The following ATP6V0A1 variants were observed in gnomAD, a reference collection of about 807,000 sequenced individuals.
ATP6V0A1 encodes the protein ATPase H+ transporting V0 subunit a1.
ATP6V0A1 carries 43 observed loss-of-function variants against 105.4 expected under a neutral mutation model. The observed-to-expected ratio is 0.41, with a 90% CI of 0.32 to 0.53. The LOEUF (loss-of-function observed/expected upper bound fraction) is 0.53. ATP6V0A1 is among the 20% of genes least tolerant of loss of function. ATP6V0A1 has a pLI of 0.30. For missense variants in ATP6V0A1, 676 were observed against 1,051.1 expected, an observed-to-expected ratio of 0.64 and a Z score of 4.93; for synonymous variants, 362 against 372.8, an observed-to-expected ratio of 0.97 and a Z score of 0.33.
intron 13 of ATP6V0A1, 88 bp from the exon 14 acceptor site, chr17:42,495,538 C>T (rs2146042918): frequency 3.0e-6 from 3 of 995,174 alleles, no homozygotes; most frequent in Non-Finnish European, 4.7e-6. Context: ...AAGATAGCTA[C>T]AGTAATTTAT....
intron 6 of ATP6V0A1, among the ~76,000 whole-genome samples, chr17:42,478,239 A>T (rs2089016546): frequency 6.6e-6 from 1 of 151,202 alleles, no homozygotes; most frequent in African/African-American, 2.4e-5. Flanking sequence ...GAGGGAGAGC[A>T]TTAGGAGATA....
At chr17:42,483,266 A>C in intron 9 of ATP6V0A1, 135 bp downstream of exon 9, 1 of 521,238 alleles carries the variant, frequency 1.9e-6, no homozygotes, top group Non-Finnish European at 3.0e-6. Flanking sequence ...GTACATGGGT[A>C]ATATGTCCTT....
intron 15 of ATP6V0A1, among the ~76,000 whole-genome samples, 169 bp downstream of exon 15, chr17:42,499,211 C>T (rs1307356861): frequency 1.3e-5 from 2 of 152,204 alleles, no homozygotes; most frequent in African/African-American, 4.8e-5. Flanking sequence ...TGGATCATGC[C>T]TGTAATCCCA....
Position 42,521,217 on chromosome 17 carries a change from C to T in ATP6V0A1, c.*97C>T, listed in dbSNP as rs1205226292. ...GCCTGTTGGTTGTGATCTGTGGGCACCAGCTCATTCGTGTCACCCTGTCTG... is the reference window on the plus strand; with the variant it reads ...GCCTGTTGGTTGTGATCTGTGGGCATCAGCTCATTCGTGTCACCCTGTCTG... On this transcript the variant is annotated 3_prime_UTR_variant, in exon 22 of 22. Coordinates refer to ENST00000343619, the MANE Select transcript of ATP6V0A1 (RefSeq NM_001130021.3). This position sits in a 1 kb window ranked among gnomAD's most constrained non-coding sequence, Gnocchi z 4.8. 9.1e-7 allele frequency: 1 copy of T among 1,101,964 alleles called. No homozygotes were observed. The highest frequency in any genetic ancestry group is 2.6e-5 in the East Asian group (1 of 37,916). 68.3% of individuals were successfully genotyped at this position (1,101,964 alleles called of 1,614,324 possible). A position where few individuals can be genotyped will look rare whatever the true frequency, so the allele number is the denominator to read the frequency against.
chr17:42,478,020 A>G (rs891186801), intron 6 of ATP6V0A1, among the ~76,000 whole-genome samples: 1 of 152,164 alleles, frequency 6.6e-6, no homozygotes, highest in Non-Finnish European at 1.5e-5. Context: ...ACAATGGAAT[A>G]CTATGTAGCC....
At chr17:42,513,208 C>T (rs938066154) in intron 19 of ATP6V0A1, among the ~76,000 whole-genome samples, 5 of 152,154 alleles carry the variant, frequency 3.3e-5, no homozygotes, top group African/African-American at 1.2e-4. Context: ...TTGGCCTTAA[C>T]CCATGTGGAA....
intron 5 of ATP6V0A1, among the ~76,000 whole-genome samples, chr17:42,473,981 A>G (rs1486361476): frequency 3.3e-5 from 5 of 151,420 alleles, no homozygotes; most frequent in Non-Finnish European, 7.4e-5. Flanking sequence ...TGCCCTTTTC[A>G]TGCTGGGGTT....
At chr17:42,495,268 A>G in intron 13 of ATP6V0A1, 80 bp downstream of exon 13, 5 of 1,461,722 alleles carry the variant, frequency 3.4e-6, no homozygotes, top group Admixed American at 1.8e-5. Context: ...TGGTAAACTG[A>G]CACTTCTTTA....
At chr17:42,490,215 A>AT (rs1955826585) in intron 10 of ATP6V0A1, among the ~76,000 whole-genome samples, 1 of 152,232 alleles carries the variant, frequency 6.6e-6, no homozygotes, top group East Asian at 1.9e-4. Flanking sequence ...TTAAAGTTAA[A>AT]TTTTTTTCAC....
intron 2 of ATP6V0A1, among the ~76,000 whole-genome samples, chr17:42,462,455 T>C (rs2086536718): frequency 6.6e-6 from 1 of 151,958 alleles, no homozygotes; most frequent in African/African-American, 2.4e-5. Flanking sequence ...GAGTCCACTC[T>C]GTCGCCCAGG....
At chr17:42,475,415 C>T (rs2088598130) in intron 5 of ATP6V0A1, among the ~76,000 whole-genome samples, 1 of 152,202 alleles carries the variant, frequency 6.6e-6, no homozygotes, top group Non-Finnish European at 1.5e-5. Context: ...AACCCAGATA[C>T]CCTTAAGACA....
intron 2 of ATP6V0A1, among the ~76,000 whole-genome samples, chr17:42,461,931 G>C (rs1227992815): frequency 6.6e-6 from 1 of 151,760 alleles, no homozygotes; most frequent in African/African-American, 2.4e-5. Context: ...TAGGGGCCAG[G>C]TGCAATGGCT....
intron 5 of ATP6V0A1, chr17:42,470,500 A>G (rs2087745516): frequency 3.3e-6 from 1 of 300,696 alleles, no homozygotes. Flanking sequence ...AAATTTTTAC[A>G]TTATATTTAT....
intron 5 of ATP6V0A1, among the ~76,000 whole-genome samples, chr17:42,476,138 G>A (rs566485318): frequency 2.6e-5 from 4 of 152,266 alleles, no homozygotes; most frequent in Non-Finnish European, 2.9e-5. Flanking sequence ...AGTAGAAACC[G>A]AAAGAACCCC....
intron 11 of ATP6V0A1, 140 bp from the exon 12 acceptor site, chr17:42,494,194 G>A (rs1192975214): frequency 8.2e-5 from 68 of 824,814 alleles, no homozygotes; most frequent in Non-Finnish European, 1.1e-4. Flanking sequence ...AGTGAGCCAA[G>A]ATTGAGACAT....
chr17:42,501,010 T>C, intron 16 of ATP6V0A1, 87 bp downstream of exon 16: 3 of 1,384,258 alleles, frequency 2.2e-6, no homozygotes, highest in Non-Finnish European at 3.1e-6. Context: ...AATTTATAAC[T>C]GCCCTTCTAT....
chr17:42,501,157 C>G (rs2091636856), intron 16 of ATP6V0A1, 40 bp from the exon 17 acceptor site: 1 of 1,531,922 alleles, frequency 6.5e-7, no homozygotes, highest in African/African-American at 1.4e-5. Flanking sequence ...GATCGGTAGA[C>G]TTTTATATGA....
At chr17:42,507,449 C>G (rs1378407137) in intron 17 of ATP6V0A1, 71 bp from the exon 18 acceptor site, 23 of 1,087,674 alleles carry the variant, frequency 2.1e-5, no homozygotes, top group Non-Finnish European at 2.7e-5. Context: ...TACTAACCAT[C>G]GCCCTTCCCA....
intron 5 of ATP6V0A1, 149 bp downstream of exon 5, chr17:42,470,367 A>G: frequency 2.0e-6 from 2 of 991,870 alleles, no homozygotes; most frequent in South Asian, 3.0e-5. Context: ...ATGTGAGATT[A>G]TGTTCCATTT....
Sources: allele counts gnomAD v4.1 joint callset (sites outside exome capture counted in the v4.1 genomes callset), GRCh38; gene constraint gnomAD v4.1.1; non-coding constraint Gnocchi (gnomAD v3.1); transcripts MANE v1.5; gene names NCBI Gene and HGNC (gene_info 2026-07-23, HGNC 2026-07-21).